SPRING1: variants seen among roughly 807,000 people sequenced by gnomAD.
SPRING1 encodes the protein SREBP regulating gene protein.
Under a neutral mutation model 24.7 loss-of-function variants are expected in SPRING1, and 14 were observed. That is an observed-to-expected ratio of 0.57 (90% CI 0.37 to 0.88). SPRING1 has a LOEUF of 0.88. Ranked by LOEUF, SPRING1 falls within the 40% of genes least tolerant of loss-of-function variation. SPRING1 has a pLI of 0.00. For missense variants in SPRING1, 255 were observed against 268.4 expected (o/e 0.95, Z 0.35); for synonymous variants, 93 against 106.1 (o/e 0.88, Z 0.76).
In SPRING1 at chr12:116,720,580, G is replaced by A; in HGVS notation, c.269-133C>T. On this transcript the variant is annotated intron_variant, in intron 2 of 4. Transcript: ENST00000261318. The surrounding 1 kb of genome is among the most constrained non-coding windows in gnomAD (Gnocchi z 4.0). ...GGGGCATCATCCTAAGCACCGGAGA[G>A]CTGGAAACTGGACATAATGTGAGTG... 2.5e-6 allele frequency: 3 copies of A among 1,209,362 alleles called. 1 individual carries two copies. Among genetic ancestry groups the A allele is most frequent in the Non-Finnish European group, 3.5e-6 (3 of 858,656 alleles). The allele number at this position is 1,209,362 out of a possible 1,614,324, so 74.9% of individuals were successfully genotyped here. A position where few individuals can be genotyped will look rare whatever the true frequency, so the allele number is the denominator to read the frequency against.
chr12:116,717,963 G>T lies in SPRING1; in HGVS notation c.535-70C>A. On this transcript the variant is annotated intron_variant, in intron 4 of 4. Transcript: ENST00000261318. The surrounding 1 kb of genome is among the most constrained non-coding windows in gnomAD (Gnocchi z 4.2). ...CTTCACACACCTCCCTCTCGGAAGA[G>T]TGAGAGTGGATCGGGACTGTCAGAC... 1 of 1,301,856 alleles carries T rather than the reference G, an allele frequency of 7.7e-7. No homozygotes were observed. The highest frequency in any genetic ancestry group is 1.1e-6 in the Non-Finnish European group (1 of 952,296). The allele number at this position is 1,301,856 out of a possible 1,614,324, so 80.6% of individuals were successfully genotyped here. A position where few individuals can be genotyped will look rare whatever the true frequency, so the allele number is the denominator to read the frequency against.
intron 4 of SPRING1, among the ~76,000 whole-genome samples, chr12:116,719,514 TG>T (rs1870314548): frequency 6.6e-6 from 1 of 152,192 alleles, no homozygotes; most frequent in Non-Finnish European, 1.5e-5. Flanking sequence ...AAGGAACAAA[TG>T]TACCAACCAC....
Position 116,728,034 on chromosome 12 carries a change from T to C in SPRING1, c.112-4811A>G, listed in dbSNP as rs1870788190. Reference sequence around the variant, plus strand: ...GCTCCTTTAAGGCTGAACACGTTCGTAGATTTTCAAGGAGTTATGCAAACA... The same window carrying C: ...GCTCCTTTAAGGCTGAACACGTTCGCAGATTTTCAAGGAGTTATGCAAACA... On this transcript the variant is annotated intron_variant, in intron 1 of 4. Transcript: ENST00000261318. This position sits in a 1 kb window ranked among gnomAD's most constrained non-coding sequence, Gnocchi z 4.2. 6.6e-6 allele frequency among the ~76,000 whole-genome samples: 1 copy of C among 152,178 alleles called. No homozygotes were observed. Among genetic ancestry groups the C allele is most frequent in the South Asian group, 2.1e-4 (1 of 4,828 alleles).
At position 116,710,526 on chromosome 12, in the gene SPRING1, T is replaced by G. The variant is rs1272619936; in HGVS notation, c.*7284A>C. The stretch of plus-strand genomic sequence containing the variant: ...TCAGAAACGTAGTACCGTTGTGTGC[T>G]TCTCTGCCAAAAGGCAGCTATTTTT... On this transcript the variant is annotated 3_prime_UTR_variant, in exon 5 of 5. Transcript: ENST00000261318. 1 of 152,236 alleles carries G rather than the reference T, an allele frequency of 6.6e-6. No homozygotes were observed. Among genetic ancestry groups the G allele is most frequent in the Non-Finnish European group, 1.5e-5 (1 of 68,050 alleles). The allele number at this position is 152,236 out of a possible 1,614,324, so 9.4% of individuals were successfully genotyped here.
At chr12:116,736,850 A>G (rs575963969) in intron 1 of SPRING1, among the ~76,000 whole-genome samples, 1 of 152,316 alleles carries the variant, frequency 6.6e-6, no homozygotes, top group South Asian at 2.1e-4. Flanking sequence ...CTACCAATCA[A>G]GTTATGCACA....
intron 1 of SPRING1, among the ~76,000 whole-genome samples, chr12:116,729,970 G>A (rs907882550): frequency 3.3e-5 from 5 of 151,938 alleles, no homozygotes; most frequent in Non-Finnish European, 5.9e-5. Context: ...CGCAAATCTC[G>A]GCTCACTGCA....
intron 1 of SPRING1, among the ~76,000 whole-genome samples, chr12:116,723,839 G>C (rs758575070): frequency 6.6e-6 from 1 of 152,174 alleles, no homozygotes; most frequent in African/African-American, 2.4e-5. Context: ...CACCCAGGCC[G>C]GCCAGCCCTC....
Position 116,720,217 on chromosome 12 carries a change from C to T in SPRING1, c.420+79G>A, listed in dbSNP as rs368642879. 23 of 1,463,464 alleles carry T rather than the reference C, an allele frequency of 1.6e-5. No homozygotes were observed. The East Asian group carries it at 3.7e-4, about 24-fold the overall frequency. 90.7% of individuals were successfully genotyped at this position (1,463,464 alleles called of 1,614,324 possible). On this transcript the variant is annotated intron_variant, in intron 3 of 4. Coordinates refer to ENST00000261318, the MANE Select transcript of SPRING1 (RefSeq NM_024738.4). The surrounding 1 kb of genome is among the most constrained non-coding windows in gnomAD (Gnocchi z 4.0). Reference sequence around the variant, plus strand: ...AAGTTTTATTTTCAGAGGAATCTCACATGAAGAGCCTAATGCTCATCATAA... The same window carrying T: ...AAGTTTTATTTTCAGAGGAATCTCATATGAAGAGCCTAATGCTCATCATAA...
In SPRING1 at chr12:116,737,763, G is replaced by C. The variant is rs763003044; in HGVS notation, c.111+27C>G. ...GGGAGGAAGGAAGGAAGAAGGGAAG[G>C]GGAGGAGGGGAAGGGCGGCCACTGA... On this transcript the variant is annotated intron_variant, in intron 1 of 4. Transcript: ENST00000261318. The C allele has an allele frequency of 6.4e-6, 10 of 1,555,162 alleles. No homozygotes were observed. In the African/African-American group the frequency reaches 1.3e-4, roughly 20 times the overall value.
intron 1 of SPRING1, among the ~76,000 whole-genome samples, chr12:116,732,459 G>A (rs1871022056): frequency 6.6e-6 from 1 of 152,158 alleles, no homozygotes. Flanking sequence ...TGTAATCCCA[G>A]CACTTTGGGA....
chr12:116,716,883 T>C lies in SPRING1; in HGVS notation c.*927A>G, dbSNP rs1215734954. ...GAATTGCCTCAACGTTGGGTTTCTA[T>C]TGATAGAACAGGGGAGGAGGTTGCC... On this transcript the variant is annotated 3_prime_UTR_variant, in exon 5 of 5. Coordinates refer to ENST00000261318, the MANE Select transcript of SPRING1 (RefSeq NM_024738.4). The C allele has an allele frequency of 6.6e-6, 1 of 152,224 alleles. No homozygotes were observed. Among genetic ancestry groups the C allele is most frequent in the African/African-American group, 2.4e-5 (1 of 41,464 alleles). 9.4% of individuals were successfully genotyped at this position (152,224 alleles called of 1,614,324 possible).
Position 116,737,829 on chromosome 12 carries a change from C to A in SPRING1, c.72G>T (p.Gly24=). 6.3e-7 allele frequency: 1 copy of A among 1,595,904 alleles called. No individual in the cohort carries two copies. Among genetic ancestry groups the A allele is most frequent in the African/African-American group, 1.4e-5 (1 of 72,764 alleles). The part of the protein sequence containing the change: ...RKRWVLALVF[G]LSLVYFLSST... The stretch of plus-strand genomic sequence containing the variant: ...TGCTGAGGAAGTAGACGAGCGACAG[C>A]CCGAAGACCAGGGCGAGCACCCACC... Residue 24 remains glycine (G), a synonymous_variant, in exon 1 of 5, where the codon GGG becomes GGT. Transcript: ENST00000261318.
intron 1 of SPRING1, among the ~76,000 whole-genome samples, chr12:116,731,696 G>A (rs962986186): frequency 6.6e-6 from 1 of 152,138 alleles, no homozygotes; most frequent in Non-Finnish European, 1.5e-5. Flanking sequence ...GCTGCAAAGA[G>A]CTATGACGGT....
intron 2 of SPRING1, among the ~76,000 whole-genome samples, chr12:116,722,628 G>C (rs1055264177): frequency 1.3e-5 from 2 of 152,206 alleles, no homozygotes; most frequent in African/African-American, 2.4e-5. Context: ...AATGCATTCT[G>C]GTCAGTCAAC....
At chr12:116,719,637 G>A (rs1376959123) in intron 4 of SPRING1, 126 bp downstream of exon 4, 9 of 705,360 alleles carry the variant, frequency 1.3e-5, no homozygotes, top group Non-Finnish European at 2.2e-5. Flanking sequence ...ACCAAACAAA[G>A]CGTGACACGG....
chr12:116,729,005 C>T (rs1378334543), intron 1 of SPRING1, among the ~76,000 whole-genome samples: 1 of 152,154 alleles, frequency 6.6e-6, no homozygotes, highest in Non-Finnish European at 1.5e-5. Context: ...AACATAAATC[C>T]TTAAAATGTT....
At chr12:116,731,854 C>T (rs1213266438) in intron 1 of SPRING1, among the ~76,000 whole-genome samples, 1 of 152,202 alleles carries the variant, frequency 6.6e-6, no homozygotes, top group Non-Finnish European at 1.5e-5. Flanking sequence ...CATGGGTAAG[C>T]CGAGGGGTTC....
At chr12:116,735,148 G>C (rs1487642746) in intron 1 of SPRING1, among the ~76,000 whole-genome samples, 1 of 152,264 alleles carries the variant, frequency 6.6e-6, no homozygotes, top group African/African-American at 2.4e-5. Flanking sequence ...GAATGAAGTG[G>C]CTTTAATACC....
In SPRING1 at chr12:116,714,104, C is replaced by T. The variant is rs1869995818; in HGVS notation, c.*3706G>A. The T allele has an allele frequency of 6.6e-6, 1 of 152,024 alleles. No homozygotes were observed. Among genetic ancestry groups the T allele is most frequent in the Non-Finnish European group, 1.5e-5 (1 of 68,024 alleles). 9.4% of individuals were successfully genotyped at this position (152,024 alleles called of 1,614,324 possible). ...AAGCCTCAGGCCTTGCTCACATCGA[C>T]ACCTCACAGTGACCCTGAGAGGCAG... On this transcript the variant is annotated 3_prime_UTR_variant, in exon 5 of 5. Transcript: ENST00000261318.
Sources: gnomAD v4.1 joint callset for allele counts (sites outside exome capture counted in the v4.1 genomes callset) on GRCh38, gnomAD v4.1.1 for gene constraint, Gnocchi (gnomAD v3.1) non-coding constraint, MANE v1.5 for transcripts, NCBI Gene and HGNC (gene_info 2026-07-23, HGNC 2026-07-21) for gene names.